BBX: variants seen among roughly 807,000 people sequenced by gnomAD.
BBX encodes BBX high mobility group box domain containing.
A neutral mutation model predicts 100.2 loss-of-function variants in BBX; 30 were observed. That is an observed-to-expected ratio of 0.30 (90% CI 0.22 to 0.41). The LOEUF is 0.41. Among genes scored for constraint, BBX ranks in the 10% least tolerant of loss-of-function variants. The probability of loss-of-function intolerance (pLI) is 1.00; values close to 1 mark genes in which losing one functional copy is unlikely to be tolerated. For missense variants in BBX, 1,023 were observed against 1,129.8 expected (o/e 0.91, Z 1.35); for synonymous variants, 376 against 388.1 (o/e 0.97, Z 0.37).
At chr3:107,641,054 A>G (rs1306507129) in intron 2 of BBX, among the ~76,000 whole-genome samples, 2 of 150,986 alleles carry the variant, frequency 1.3e-5, no homozygotes, top group African/African-American at 4.9e-5. Flanking sequence ...TTCTGTTGGC[A>G]TATAGGTAGG....
intron 2 of BBX, among the ~76,000 whole-genome samples, chr3:107,643,693 T>G (rs1292377175): frequency 2.0e-5 from 3 of 152,162 alleles, no homozygotes; most frequent in African/African-American, 7.2e-5. Flanking sequence ...CACCTGCCTT[T>G]CTGATACCTC....
chr3:107,809,598 A>G lies in BBX; in HGVS notation c.*4141A>G, dbSNP rs1439521916. ...CAAAAGTTTGTCTTTTTTTGCTTCT[A>G]CCTTCAGTGCCACTATTTTCCACTG... On this transcript the variant is annotated 3_prime_UTR_variant, in exon 18 of 18. Transcript: ENST00000325805. The G allele has an allele frequency of 6.6e-6, 1 of 152,190 alleles. No homozygotes were observed. The highest frequency in any genetic ancestry group is 1.5e-5 in the Non-Finnish European group (1 of 68,046). The allele number at this position is 152,190 out of a possible 1,614,324, so 9.4% of individuals were successfully genotyped here.
intron 3 of BBX, among the ~76,000 whole-genome samples, chr3:107,683,067 T>C (rs1011499356): frequency 6.6e-6 from 1 of 152,188 alleles, no homozygotes. Context: ...ACTCCATATC[T>C]GTTGTGAACA....
intron 2 of BBX, among the ~76,000 whole-genome samples, chr3:107,618,235 G>A (rs1444590208): frequency 1.3e-5 from 2 of 151,754 alleles, no homozygotes; most frequent in Non-Finnish European, 2.9e-5. Context: ...TATTTACGTT[G>A]TATAATTTCT....
At chr3:107,744,165 C>T (rs1478180970) in intron 7 of BBX, among the ~76,000 whole-genome samples, 1 of 151,988 alleles carries the variant, frequency 6.6e-6, no homozygotes, top group African/African-American at 2.4e-5. Flanking sequence ...TGTTGAGTAT[C>T]TACATTGTGC....
At chr3:107,530,858 C>T (rs1332812587) in intron 2 of BBX, among the ~76,000 whole-genome samples, 1 of 152,198 alleles carries the variant, frequency 6.6e-6, no homozygotes, top group African/African-American at 2.4e-5. Context: ...CAATCTGTTT[C>T]AAGCCATTTT....
intron 2 of BBX, among the ~76,000 whole-genome samples, chr3:107,535,602 T>G (rs1472311102): frequency 6.6e-6 from 1 of 151,332 alleles, no homozygotes; most frequent in Non-Finnish European, 1.5e-5. Context: ...CCTTTTTTTT[T>G]TTTTTTTTGA....
chr3:107,578,600 T>G (rs913899433), intron 2 of BBX, among the ~76,000 whole-genome samples: 4 of 152,206 alleles, frequency 2.6e-5, no homozygotes, highest in African/African-American at 9.7e-5. Context: ...ATGGGTTTTT[T>G]TATGGCTTCA....
At chr3:107,600,867 C>G (rs2054014183) in intron 2 of BBX, among the ~76,000 whole-genome samples, 2 of 152,066 alleles carry the variant, frequency 1.3e-5, no homozygotes, top group Non-Finnish European at 2.9e-5. Flanking sequence ...CCATGTGTAC[C>G]TTGCTTTACT....
chr3:107,774,601 C>T, intron 11 of BBX, 118 bp from the exon 12 acceptor site: 2 of 1,090,908 alleles, frequency 1.8e-6, no homozygotes, highest in South Asian at 1.7e-5. Flanking sequence ...GAAATAGCTA[C>T]AGTTAGCTTC....
intron 2 of BBX, among the ~76,000 whole-genome samples, chr3:107,538,217 T>A (rs1048052307): frequency 2.0e-5 from 3 of 152,216 alleles, no homozygotes; most frequent in Non-Finnish European, 4.4e-5. Context: ...TGTTAATAAT[T>A]TTCTACAGAT....
At chr3:107,678,741 A>AG (rs1374314581) in intron 3 of BBX, among the ~76,000 whole-genome samples, 4 of 152,008 alleles carry the variant, frequency 2.6e-5, no homozygotes, top group African/African-American at 9.7e-5. Context: ...AGAAAAAAAA[A>AG]GTTGTTAATT....
intron 4 of BBX, among the ~76,000 whole-genome samples, chr3:107,716,059 C>G (rs898470495): frequency 1.2e-4 from 19 of 152,116 alleles, no homozygotes; most frequent in Non-Finnish European, 2.4e-4. Flanking sequence ...ATTGAGTAGT[C>G]TATATTACCT....
chr3:107,790,796 A>G (rs1243814236), intron 14 of BBX, among the ~76,000 whole-genome samples: 2 of 152,090 alleles, frequency 1.3e-5, no homozygotes, highest in Non-Finnish European at 2.9e-5. Context: ...GTGTGTAGAC[A>G]TGTGTGCCTG....
intron 7 of BBX, among the ~76,000 whole-genome samples, chr3:107,742,031 AAT>A (rs745397565): frequency 2.0e-5 from 3 of 152,188 alleles, no homozygotes; most frequent in Non-Finnish European, 2.9e-5. Context: ...CCCCAGAAGA[AAT>A]ATGTCTAACC....
chr3:107,568,770 GGT>G (rs1333940139), intron 2 of BBX, among the ~76,000 whole-genome samples: 1 of 152,076 alleles, frequency 6.6e-6, no homozygotes, highest in Non-Finnish European at 1.5e-5. Flanking sequence ...TTCTTTCAGT[GGT>G]GTCCTAACAG....
At chr3:107,530,812 C>T (rs1001088309) in intron 2 of BBX, among the ~76,000 whole-genome samples, 2 of 152,218 alleles carry the variant, frequency 1.3e-5, no homozygotes, top group Non-Finnish European at 2.9e-5. Flanking sequence ...GCAGTGCCCT[C>T]TGATATTTTC....
chr3:107,533,261 C>G (rs1225172964), intron 2 of BBX, among the ~76,000 whole-genome samples: 1 of 152,168 alleles, frequency 6.6e-6, no homozygotes, highest in African/African-American at 2.4e-5. Context: ...GATTGTGATC[C>G]TATTGCATTA....
At chr3:107,757,601 TAC>T (rs1196070633) in intron 10 of BBX, among the ~76,000 whole-genome samples, 1 of 152,230 alleles carries the variant, frequency 6.6e-6, no homozygotes, top group Non-Finnish European at 1.5e-5. Context: ...GATGTCTTAA[TAC>T]AGTGTATTTT....
Sources: allele counts gnomAD v4.1 joint callset (sites outside exome capture counted in the v4.1 genomes callset), GRCh38; gene constraint gnomAD v4.1.1; transcripts MANE v1.5; gene names NCBI Gene and HGNC (gene_info 2026-07-23, HGNC 2026-07-21).